The following VWA8 variants were observed in gnomAD, a reference collection of about 807,000 sequenced individuals.
VWA8 encodes the protein von Willebrand factor A domain containing 8.
In VWA8, 221 loss-of-function variants were observed where a neutral mutation model predicts 241.5. The observed-to-expected ratio is 0.91, with a 90% CI of 0.82 to 1.02. The LOEUF (loss-of-function observed/expected upper bound fraction) is 1.02. Ranked by LOEUF, VWA8 falls within the 50% of genes least tolerant of loss-of-function variation. VWA8 has a pLI of 0.00. For synonymous variants in VWA8, 852 were observed against 827.1 expected, an observed-to-expected ratio of 1.03 and a Z score of -0.52; for missense variants, 2,322 against 2,328.7, an observed-to-expected ratio of 1.00 and a Z score of 0.06.
intron 40 of VWA8, among the ~76,000 whole-genome samples, chr13:41,592,864 T>C (rs1239818955): frequency 1.3e-5 from 2 of 152,214 alleles, no homozygotes; most frequent in East Asian, 1.9e-4. Flanking sequence ...AAAATGAAGA[T>C]AACACTAGTC....
intron 43 of VWA8, among the ~76,000 whole-genome samples, chr13:41,575,286 G>T (rs2044343318): frequency 6.6e-6 from 1 of 151,832 alleles, no homozygotes. Flanking sequence ...GGGGGTGAGG[G>T]ATAAAAGACT....
intron 21 of VWA8, among the ~76,000 whole-genome samples, chr13:41,759,637 T>C (rs1285074063): frequency 6.6e-6 from 1 of 151,792 alleles, no homozygotes; most frequent in African/African-American, 2.4e-5. Flanking sequence ...TTTCTCCCTT[T>C]AAATGTTTGA....
At chr13:41,677,699 C>T (rs777574833) in intron 35 of VWA8, among the ~76,000 whole-genome samples, 12 of 152,060 alleles carry the variant, frequency 7.9e-5, no homozygotes, top group Non-Finnish European at 1.6e-4. Context: ...ACACAAAACC[C>T]AAGCTTTTTA....
At chr13:41,934,173 C>T (rs1359319372) in intron 2 of VWA8, among the ~76,000 whole-genome samples, 2 of 148,328 alleles carry the variant, frequency 1.3e-5, no homozygotes, top group African/African-American at 2.5e-5. Context: ...TTTGACCAGA[C>T]ACTTTACAAA....
chr13:41,600,717 C>T (rs771495832), intron 40 of VWA8, among the ~76,000 whole-genome samples: 1 of 152,102 alleles, frequency 6.6e-6, no homozygotes, highest in Non-Finnish European at 1.5e-5. Flanking sequence ...ACATCCAAAG[C>T]AAACATCTGC....
At chr13:41,606,696 G>A (rs1277901808) in intron 39 of VWA8, among the ~76,000 whole-genome samples, 2 of 152,160 alleles carry the variant, frequency 1.3e-5, no homozygotes, top group South Asian at 2.1e-4. Flanking sequence ...GTCAGGTTGA[G>A]CACTGGGAAA....
intron 40 of VWA8, among the ~76,000 whole-genome samples, chr13:41,603,567 A>G (rs189049083): frequency 2.1e-4 from 32 of 152,240 alleles, no homozygotes; most frequent in Middle Eastern, 3.4e-3. Flanking sequence ...AGCACTGTGA[A>G]TCCTCTAAGG....
At chr13:41,682,449 T>G (rs1457620180) in intron 35 of VWA8, among the ~76,000 whole-genome samples, 1 of 152,194 alleles carries the variant, frequency 6.6e-6, no homozygotes, top group Admixed American at 6.6e-5. Flanking sequence ...CATAGAAGAT[T>G]TGCCCTTCAT....
chr13:41,939,580 C>T (rs1566046260), intron 2 of VWA8, among the ~76,000 whole-genome samples: 2 of 152,060 alleles, frequency 1.3e-5, no homozygotes, highest in African/African-American at 4.8e-5. Context: ...CAATGCTGTG[C>T]CCAATGCTGT....
In VWA8 at chr13:41,611,701, T is replaced by C; in HGVS notation, c.4752A>G (p.Lys1584=). ...GGRDTAGLGG[K]GGPYRLDAGH... is the part of the protein sequence containing the mutation. ...CTGCATCCAGCCGGTAAGGGCCTCC[T>C]TTGCCACCCAGGCCTGCCGTGTCTC... Residue 1584 remains lysine, a synonymous_variant, in exon 39 of 45, where the codon AAA becomes AAG. Coordinates refer to ENST00000379310, the MANE Select transcript of VWA8 (RefSeq NM_015058.2). The C allele has an allele frequency of 6.2e-7, 1 of 1,614,048 alleles. No individual in the cohort carries two copies. The highest frequency in any genetic ancestry group is 1.3e-5 in the African/African-American group (1 of 75,044).
chr13:41,716,944 G>T (rs760418597), intron 26 of VWA8, among the ~76,000 whole-genome samples: 2 of 151,616 alleles, frequency 1.3e-5, no homozygotes, highest in Admixed American at 6.6e-5. Context: ...ACTTTTTGGC[G>T]GTCTATGTGA....
intron 21 of VWA8, among the ~76,000 whole-genome samples, chr13:41,744,994 C>A (rs986243177): frequency 1.3e-5 from 2 of 151,986 alleles, no homozygotes; most frequent in Non-Finnish European, 1.5e-5. Flanking sequence ...CCCACCACCA[C>A]GACCGGCTAA....
At chr13:41,834,156 C>T (rs1395724898) in intron 12 of VWA8, among the ~76,000 whole-genome samples, 1 of 152,136 alleles carries the variant, frequency 6.6e-6, no homozygotes, top group Non-Finnish European at 1.5e-5. Flanking sequence ...TTTTTAAAAG[C>T]ACACACACAA....
intron 21 of VWA8, among the ~76,000 whole-genome samples, chr13:41,758,404 A>ACGC (rs2045712432): frequency 1.2e-5 from 1 of 80,770 alleles, no homozygotes; most frequent in African/African-American, 4.4e-5. Context: ...GCTAGTATAT[A>ACGC]TATATATATA....
At chr13:41,622,398 A>G (rs2044662980) in intron 37 of VWA8, among the ~76,000 whole-genome samples, 1 of 152,228 alleles carries the variant, frequency 6.6e-6, no homozygotes, top group African/African-American at 2.4e-5. Flanking sequence ...AGCATTTGGA[A>G]TGTACTTCCT....
chr13:41,698,746 G>T (rs971046433), intron 29 of VWA8, among the ~76,000 whole-genome samples: 1 of 152,096 alleles, frequency 6.6e-6, no homozygotes, highest in African/African-American at 2.4e-5. Flanking sequence ...AAACTGGCAT[G>T]TTCATTTGTT....
intron 21 of VWA8, among the ~76,000 whole-genome samples, chr13:41,745,782 T>C (rs2045601313): frequency 6.6e-6 from 1 of 152,118 alleles, no homozygotes; most frequent in African/African-American, 2.4e-5. Context: ...AGTTCAACCA[T>C]TGTGGAAGAC....
chr13:41,909,720 G>A (rs908858545), intron 3 of VWA8, among the ~76,000 whole-genome samples: 1 of 152,134 alleles, frequency 6.6e-6, no homozygotes, highest in Non-Finnish European at 1.5e-5. Flanking sequence ...TTCATTGGCC[G>A]TGACAAGCAC....
At chr13:41,886,375 T>C (rs1874537239) in intron 7 of VWA8, among the ~76,000 whole-genome samples, 2 of 151,974 alleles carry the variant, frequency 1.3e-5, no homozygotes, top group South Asian at 4.1e-4. Flanking sequence ...TCCATGCTTT[T>C]AAAACAAACA....
Sources: allele counts gnomAD v4.1 joint callset (sites outside exome capture counted in the v4.1 genomes callset), GRCh38; gene constraint gnomAD v4.1.1; transcripts MANE v1.5; gene names NCBI Gene and HGNC (gene_info 2026-07-23, HGNC 2026-07-21).